The following TMEM8B variants were observed in gnomAD, a reference collection of about 807,000 sequenced individuals.
TMEM8B encodes nasopharyngeal carcinoma expressed 6.
In TMEM8B, 29 loss-of-function variants were observed where a neutral mutation model predicts 49.3. The ratio of observed to expected loss-of-function variants is 0.59; its 90% CI spans 0.44 to 0.80. The LOEUF (loss-of-function observed/expected upper bound fraction) is 0.80. Ranked by LOEUF, TMEM8B falls within the 30% of genes least tolerant of loss-of-function variation. TMEM8B has a pLI of 0.00. For synonymous variants in TMEM8B, 264 were observed against 272.8 expected (o/e 0.97, Z 0.32); for missense variants, 575 against 658.5 (o/e 0.87, Z 1.39).
At position 35,864,455 on chromosome 9, in the gene TMEM8B, G is replaced by A. The variant is rs1267489324; in HGVS notation, c.*10615G>A. The stretch of plus-strand genomic sequence containing the variant: ...CTGGCTGTGTGGCAGAGAAGATGAG[G>A]ATGGCCCTGGAGTCAGACGGGACTA... On this transcript the variant is annotated 3_prime_UTR_variant, in exon 13 of 13. Coordinates refer to ENST00000643932, the MANE Select transcript of TMEM8B (RefSeq NM_001042590.4). 6.6e-6 allele frequency: 1 copy of A among 152,214 alleles called. No individual in the cohort carries two copies. The highest frequency in any genetic ancestry group is 1.5e-5 in the Non-Finnish European group (1 of 68,036). The allele number at this position is 152,214 out of a possible 1,614,324, so 9.4% of individuals were successfully genotyped here.
intron 10 of TMEM8B, among the ~76,000 whole-genome samples, chr9:35,849,060 T>G (rs933161487): frequency 2.6e-5 from 4 of 152,138 alleles, no homozygotes; most frequent in Non-Finnish European, 4.4e-5. Flanking sequence ...CTCCTGTTCT[T>G]TTCCACATGG....
chr9:35,830,885 G>T (rs374139657), intron 1 of TMEM8B, among the ~76,000 whole-genome samples: 1 of 152,180 alleles, frequency 6.6e-6, no homozygotes, highest in East Asian at 1.9e-4. Context: ...AGGAGGAGGG[G>T]GTGTCCTGGT....
rs1356833903 is a variant in TMEM8B at position 35,856,229 on chromosome 9, A to C, written c.*2389A>C. 6.6e-6 allele frequency: 1 copy of C among 152,270 alleles called. No individual in the cohort carries two copies. The highest frequency in any genetic ancestry group is 1.5e-5 in the Non-Finnish European group (1 of 68,064). The allele number at this position is 152,270 out of a possible 1,614,324, so 9.4% of individuals were successfully genotyped here. A position where few individuals can be genotyped will look rare whatever the true frequency, so the allele number is the denominator to read the frequency against. On this transcript the variant is annotated 3_prime_UTR_variant, in exon 13 of 13. Transcript: ENST00000643932. ...GTGGTCTTCAGTCAGTAAAGCTCTT[A>C]GAACACTTGTATAGTGCCTAGTCTG...
Position 35,846,478 on chromosome 9 carries a change from G to T in TMEM8B, c.1863G>T (p.Arg621=). 6.3e-7 allele frequency: 1 copy of T among 1,599,944 alleles called. No homozygotes were observed. ...GCGAGTTTGTGCGCAGGTTCGTGCG[G>T]TGCCGCAACGCGACGGCCGAGGTGC... ...SLCGVGPRFV[R]CRNATAEVRM... Residue 621 remains arginine (R), a synonymous_variant, in exon 9 of 13, where the codon CGG becomes CGT. Transcript: ENST00000643932.
intron 7 of TMEM8B, 88 bp from the exon 8 acceptor site, chr9:35,846,170 A>G (rs1831527981): frequency 3.1e-6 from 5 of 1,607,388 alleles, no homozygotes; most frequent in Non-Finnish European, 4.3e-6. Flanking sequence ...ATGATAGGCT[A>G]GGGTTCCGGG....
In TMEM8B at chr9:35,858,436, C is replaced by T. The variant is rs1832591400; in HGVS notation, c.*4596C>T. On this transcript the variant is annotated 3_prime_UTR_variant, in exon 13 of 13. Transcript: ENST00000643932. ...CATGCAAACTTCTCTGTGGCCAACCCTAACCCACACCCTCTAACCTAGTTT... is the reference window on the plus strand; with the variant it reads ...CATGCAAACTTCTCTGTGGCCAACCTTAACCCACACCCTCTAACCTAGTTT... 6.6e-6 allele frequency: 1 copy of T among 152,326 alleles called. No individual in the cohort carries two copies. Among genetic ancestry groups the T allele is most frequent in the Non-Finnish European group, 1.5e-5 (1 of 68,146 alleles). The allele number at this position is 152,326 out of a possible 1,614,324, so 9.4% of individuals were successfully genotyped here.
In TMEM8B at chr9:35,859,520, G is replaced by GT; in HGVS notation, c.*5682dup. 1 of 154,156 alleles carries GT rather than the reference G, an allele frequency of 6.5e-6. No homozygotes were observed. The allele number at this position is 154,156 out of a possible 1,614,324, so 9.5% of individuals were successfully genotyped here. ...AGACAAGGATGGACTGTAGCAGTGA[G>GT]TTGGCAAAGCCTGTCCCCCAGCTCA... On this transcript the variant is annotated 3_prime_UTR_variant, in exon 13 of 13. Coordinates refer to ENST00000643932, the MANE Select transcript of TMEM8B (RefSeq NM_001042590.4).
intron 6 of TMEM8B, among the ~76,000 whole-genome samples, chr9:35,844,497 C>G (rs982551022): frequency 6.6e-6 from 1 of 152,270 alleles, no homozygotes; most frequent in Non-Finnish European, 1.5e-5. Flanking sequence ...TTCATGTGGT[C>G]TTTTATGGGA....
chr9:35,846,482 C>T lies in TMEM8B; in HGVS notation c.1867C>T (p.Arg623Cys), dbSNP rs1244101896. 3.1e-6 allele frequency: 5 copies of T among 1,598,602 alleles called. No homozygotes were observed. The East Asian group carries it at 6.8e-5, about 22-fold the overall frequency. ...CGVGPRFVRC[R>C]NATAEVRMRT... ...GTTTGTGCGCAGGTTCGTGCGGTGCCGCAACGCGACGGCCGAGGTGCGGAT... is the reference window on the plus strand; with the variant it reads ...GTTTGTGCGCAGGTTCGTGCGGTGCTGCAACGCGACGGCCGAGGTGCGGAT... The change falls in exon 9 of 13, where the codon CGC becomes TGC. Residue 623 changes from arginine to cysteine, a missense_variant. Coordinates refer to ENST00000643932, the MANE Select transcript of TMEM8B (RefSeq NM_001042590.4).
At chr9:35,836,614 G>A (rs1276011860) in intron 3 of TMEM8B, among the ~76,000 whole-genome samples, 1 of 152,220 alleles carries the variant, frequency 6.6e-6, no homozygotes, top group African/African-American at 2.4e-5. Context: ...TTGGGACAAT[G>A]GGGAATAGAG....
chr9:35,860,373 T>C lies in TMEM8B; in HGVS notation c.*6533T>C, dbSNP rs1003698324. The C allele has an allele frequency of 2.6e-5, 4 of 152,238 alleles. No homozygotes were observed. The highest frequency in any genetic ancestry group is 9.6e-5 in the African/African-American group (4 of 41,466). The allele number at this position is 152,238 out of a possible 1,614,324, so 9.4% of individuals were successfully genotyped here. A position where few individuals can be genotyped will look rare whatever the true frequency, so the allele number is the denominator to read the frequency against. On this transcript the variant is annotated 3_prime_UTR_variant, in exon 13 of 13. Coordinates refer to ENST00000643932, the MANE Select transcript of TMEM8B (RefSeq NM_001042590.4). ...ATGTGACCAAATTATGGCCATAGTA[T>C]TTCAGATTTATTCATCCACTAAGTA...
chr9:35,831,520 C>T (rs879598253), intron 1 of TMEM8B, among the ~76,000 whole-genome samples: 5 of 152,214 alleles, frequency 3.3e-5, no homozygotes, highest in East Asian at 1.9e-4. Flanking sequence ...GTGTTGATTA[C>T]TGCTGCTGGC....
intron 1 of TMEM8B, chr9:35,833,449 T>A: frequency 1.2e-6 from 1 of 806,692 alleles, no homozygotes; most frequent in Non-Finnish European, 1.5e-6. Flanking sequence ...TCTTCCCCTG[T>A]CTGCTACTGG....
chr9:35,853,703 C>T lies in TMEM8B; in HGVS notation c.2638C>T (p.Arg880Cys), dbSNP rs372901584. 6.1e-5 allele frequency: 98 copies of T among 1,614,022 alleles called. No individual in the cohort carries two copies. Among genetic ancestry groups the T allele is most frequent in the Non-Finnish European group, 7.9e-5 (93 of 1,180,000 alleles). ...CAGTGTGGGCTTCCTGCTGCCCCCTCGTGCCAAGACTGACCACGGGGTCCC... is the reference window on the plus strand; with the variant it reads ...CAGTGTGGGCTTCCTGCTGCCCCCTTGTGCCAAGACTGACCACGGGGTCCC... ...AGSVGFLLPP[R>C]AKTDHGVPSG... Residue 880 changes from arginine to cysteine, a missense_variant, in exon 13 of 13, where the codon CGT (arginine) becomes TGT (cysteine). By Grantham distance (180) the Arg-to-Cys change is radical (BLOSUM62 -3). Coordinates refer to ENST00000643932, the MANE Select transcript of TMEM8B (RefSeq NM_001042590.4). The surrounding 1 kb of genome is among the most constrained non-coding windows in gnomAD (Gnocchi z 4.2).
At chr9:35,843,612 C>A (rs1831232147) in intron 6 of TMEM8B, among the ~76,000 whole-genome samples, 1 of 152,208 alleles carries the variant, frequency 6.6e-6, no homozygotes, top group African/African-American at 2.4e-5. Flanking sequence ...TCACCTAGGG[C>A]TTGTGGTGAA....
Position 35,853,040 on chromosome 9 carries a change from T to G in TMEM8B, c.2322+67T>G. 1 of 1,610,960 alleles carries G rather than the reference T, an allele frequency of 6.2e-7. No homozygotes were observed. The highest frequency in any genetic ancestry group is 2.2e-5 in the East Asian group (1 of 44,830). ...CTCCTTGAAATCCACTCCTGACCTC[T>G]CCCTGGGGGCATTTCCAAGTGCCTC... is the stretch of plus-strand genomic sequence containing the variant. On this transcript the variant is annotated intron_variant, in intron 11 of 12. Transcript: ENST00000643932. This position sits in a 1 kb window ranked among gnomAD's most constrained non-coding sequence, Gnocchi z 4.2.
chr9:35,829,797 A>C lies in TMEM8B; in HGVS notation c.350A>C (p.Gln117Pro), dbSNP rs1394591257. 7.2e-6 allele frequency: 3 copies of C among 416,312 alleles called. No homozygotes were observed. Among genetic ancestry groups the C allele is most frequent in the African/African-American group, 6.2e-5 (3 of 48,590 alleles). 25.8% of individuals were successfully genotyped at this position (416,312 alleles called of 1,614,324 possible). A position where few individuals can be genotyped will look rare whatever the true frequency, so the allele number is the denominator to read the frequency against. Residue 117 changes from glutamine (Q) to proline (P), a missense_variant, in exon 1 of 13, where the codon CAG (glutamine) becomes CCG (proline). Transcript: ENST00000643932. ...QCPAQPNPLS[Q>P]PLPSSLCLPK... ...CCAGCCCAGCCCAACCCATTATCTC[A>C]GCCTTTGCCCTCATCTCTGTGTTTA...
Position 35,859,655 on chromosome 9 carries a change from C to G in TMEM8B, c.*5815C>G, listed in dbSNP as rs186913163. 3.4e-4 allele frequency: 55 copies of G among 162,520 alleles called. No homozygotes were observed. The East Asian group carries it at 0.01, about 30-fold the overall frequency. 10.1% of individuals were successfully genotyped at this position (162,520 alleles called of 1,614,324 possible). A position where few individuals can be genotyped will look rare whatever the true frequency, so the allele number is the denominator to read the frequency against. On this transcript the variant is annotated 3_prime_UTR_variant, in exon 13 of 13. Transcript: ENST00000643932. ...CCATCACAGCCAGCAGCAGGCACTC[C>G]GTTGATCCCAGCGCCAGGGTCAGGT... is the stretch of plus-strand genomic sequence containing the variant.
rs1158909651 is a variant in TMEM8B, at chr9:35,853,867, G to A, written c.*27G>A. 1 of 1,510,386 alleles carries A rather than the reference G, an allele frequency of 6.6e-7. No individual in the cohort carries two copies. Among genetic ancestry groups the A allele is most frequent in the East Asian group, 2.3e-5 (1 of 44,036 alleles). 93.6% of individuals were successfully genotyped at this position (1,510,386 alleles called of 1,614,324 possible). A position where few individuals can be genotyped will look rare whatever the true frequency, so the allele number is the denominator to read the frequency against. ...AGGGGCTTTGGGCCTGGCCCTGAGG[G>A]GATATGAATGCTTCCTAGAGTTCTT... On this transcript the variant is annotated 3_prime_UTR_variant, in exon 13 of 13. Coordinates refer to ENST00000643932, the MANE Select transcript of TMEM8B (RefSeq NM_001042590.4). This position sits in a 1 kb window ranked among gnomAD's most constrained non-coding sequence, Gnocchi z 4.2.
Sources: gnomAD v4.1 joint callset for allele counts (sites outside exome capture counted in the v4.1 genomes callset) on GRCh38, gnomAD v4.1.1 for gene constraint, Gnocchi (gnomAD v3.1) non-coding constraint, MANE v1.5 for transcripts, NCBI Gene and HGNC (gene_info 2026-07-23, HGNC 2026-07-21) for gene names.